Variants in FRMPD4 observed in about 807,000 individuals in gnomAD.
The protein encoded by FRMPD4 is FERM and PDZ domain-containing protein 4.
Under a neutral mutation model 94.1 loss-of-function variants are expected in FRMPD4, and 22 were observed. The observed-to-expected ratio is 0.23, with a 90% CI of 0.17 to 0.33. FRMPD4 has a LOEUF of 0.33. Among genes scored for constraint, FRMPD4 ranks in the 10% least tolerant of loss-of-function variants. The probability of loss-of-function intolerance (pLI) is 1.00; values close to 1 mark genes in which losing one functional copy is unlikely to be tolerated. For synonymous variants in FRMPD4, 631 were observed against 548.6 expected, an observed-to-expected ratio of 1.15 and a Z score of -2.10; for missense variants, 1,111 against 1,339.9, an observed-to-expected ratio of 0.83 and a Z score of 2.67.
chrX:12,676,552 GTTT>G (rs2059902301), intron 5 of FRMPD4, among the ~76,000 whole-genome samples: 1 of 112,006 alleles, frequency 8.9e-6, no homozygotes, highest in South Asian at 3.7e-4. Flanking sequence ...TTTGTGTTTT[GTTT>G]TTTGTTTGTT....
chrX:12,519,666 G>A (rs1442800453), intron 2 of FRMPD4, among the ~76,000 whole-genome samples: 1 of 112,335 alleles, frequency 8.9e-6, no homozygotes. Flanking sequence ...CTGATATGAG[G>A]TTAATATTCA....
intron 3 of FRMPD4, among the ~76,000 whole-genome samples, chrX:12,040,303 AT>A (rs375661441): frequency 0.076 from 6,643 of 87,568 alleles, 256 homozygotes; most frequent in East Asian, 0.28. Flanking sequence ...GTATCTCGTA[AT>A]TTTTTTTTTT....
intron 1 of FRMPD4, among the ~76,000 whole-genome samples, chrX:12,165,041 C>G (rs1601648379): frequency 9.0e-6 from 1 of 111,424 alleles, no homozygotes; most frequent in South Asian, 3.8e-4. Context: ...TGTGCAGAAG[C>G]TCTTTAGTTT....
intron 3 of FRMPD4, among the ~76,000 whole-genome samples, chrX:11,991,163 G>A (rs2054461614): frequency 9.0e-6 from 1 of 111,590 alleles, no homozygotes. Flanking sequence ...GAAACCTCAT[G>A]ACTTCTACCA....
At chrX:12,420,177 G>C (rs904857459) in intron 1 of FRMPD4, among the ~76,000 whole-genome samples, 7 of 111,528 alleles carry the variant, frequency 6.3e-5, no homozygotes, top group South Asian at 3.8e-4. Flanking sequence ...CCAGAAGTTT[G>C]GAAACCATTC....
chrX:11,885,453 A>G (rs1266656658), intron 3 of FRMPD4, among the ~76,000 whole-genome samples: 1 of 111,287 alleles, frequency 9.0e-6, no homozygotes, highest in Non-Finnish European at 1.9e-5. Flanking sequence ...GATGAAAAGC[A>G]TTCTGGAGAT....
intron 1 of FRMPD4, among the ~76,000 whole-genome samples, chrX:12,338,206 A>G: frequency 8.9e-6 from 1 of 112,039 alleles, no homozygotes. Context: ...TTAGGTTTCA[A>G]TAGGAGTTTT....
At chrX:12,242,922 A>G (rs981376650) in intron 1 of FRMPD4, among the ~76,000 whole-genome samples, 2 of 112,191 alleles carry the variant, frequency 1.8e-5, no homozygotes, top group African/African-American at 6.5e-5. Flanking sequence ...AATTTTTTGT[A>G]GGCACAGGAT....
chrX:11,822,957 T>A (rs1184165317), intron 1 of FRMPD4, among the ~76,000 whole-genome samples: 1 of 111,835 alleles, frequency 8.9e-6, no homozygotes, highest in Non-Finnish European at 1.9e-5. Flanking sequence ...GTTCTTGGCA[T>A]AGGAAAGTTG....
chrX:12,646,869 T>G (rs1215752188), intron 4 of FRMPD4, among the ~76,000 whole-genome samples: 2 of 112,370 alleles, frequency 1.8e-5, no homozygotes, highest in Non-Finnish European at 3.8e-5. Flanking sequence ...TTATTGTTAA[T>G]ATTCAAATAC....
At chrX:12,537,112 T>C (rs1280142550) in intron 2 of FRMPD4, among the ~76,000 whole-genome samples, 2 of 111,838 alleles carry the variant, frequency 1.8e-5, no homozygotes, top group African/African-American at 6.5e-5. Context: ...GGAAGGACTC[T>C]TCCCCAGGCT....
chrX:12,341,626 G>T (rs1474761731), intron 1 of FRMPD4: 4 of 328,211 alleles, frequency 1.2e-5, no homozygotes, highest in Non-Finnish European at 2.4e-5. Context: ...GTGGCATGAG[G>T]TCACACAGCT....
intron 1 of FRMPD4, among the ~76,000 whole-genome samples, chrX:12,482,256 C>G (rs2057695941): frequency 9.0e-6 from 1 of 111,337 alleles, no homozygotes; most frequent in African/African-American, 3.3e-5. Flanking sequence ...TTGTTTCACC[C>G]TGAAAGAACT....
At chrX:12,137,334 A>G (rs2055610143), upstream of FRMPD4, among the ~76,000 whole-genome samples, 1 of 113,051 alleles carries the variant, frequency 8.8e-6, no homozygotes, top group Non-Finnish European at 1.9e-5. Context: ...CTTTAGTACT[A>G]GGCTTGAATA....
At chrX:12,292,783 C>CCATTTT (rs2054709530) in intron 1 of FRMPD4, among the ~76,000 whole-genome samples, 1 of 111,256 alleles carries the variant, frequency 9.0e-6, no homozygotes, top group Non-Finnish European at 1.9e-5. Context: ...AGTCTCTTGA[C>CCATTTT]ACGCATTAGG....
chrX:11,955,307 G>C (rs1267773539), intron 3 of FRMPD4, among the ~76,000 whole-genome samples: 3 of 110,224 alleles, frequency 2.7e-5, no homozygotes, highest in African/African-American at 9.9e-5. Flanking sequence ...AAACATTCAG[G>C]CCATAGCAAT....
At chrX:12,319,609 G>A (rs767348653) in intron 1 of FRMPD4, among the ~76,000 whole-genome samples, 33 of 112,116 alleles carry the variant, frequency 2.9e-4, no homozygotes, top group African/African-American at 1.0e-3. Flanking sequence ...CATAATGCTT[G>A]AGGCAGGCTG....
Position 12,447,336 on chromosome X carries a change from C to G in FRMPD4, c.42-51344C>G, listed in dbSNP as rs548656928. The stretch of plus-strand genomic sequence containing the variant: ...GTCATAAGCACTGCTTTTCACCCCC[C>G]AGTTGTGACAACCAAAAGTATTGCC... On this transcript the variant is annotated intron_variant, in intron 1 of 16. Transcript: ENST00000675598. Among the ~76,000 whole-genome samples the G allele has an allele frequency of 6.3e-5, 7 of 111,859 alleles. No individual in the cohort carries two copies. In the South Asian group the frequency reaches 1.5e-3, roughly 24 times the overall value.
intron 2 of FRMPD4, among the ~76,000 whole-genome samples, chrX:12,507,379 C>G (rs1007028759): frequency 8.9e-6 from 1 of 112,042 alleles, no homozygotes; most frequent in Admixed American, 9.5e-5. Flanking sequence ...AGTGTTAAAG[C>G]AGTCATAGGA....
Sources: allele counts gnomAD v4.1 joint callset (sites outside exome capture counted in the v4.1 genomes callset), GRCh38; gene constraint gnomAD v4.1.1; transcripts MANE v1.5; gene names NCBI Gene and HGNC (gene_info 2026-07-23, HGNC 2026-07-21).